Variants in SERINC2 observed in about 807,000 individuals in gnomAD.
SERINC2 encodes the protein tumor differentially expressed protein 2.
In SERINC2, 56 loss-of-function variants were observed where a neutral mutation model predicts 54.2. The observed-to-expected ratio is 1.03, with a 90% CI of 0.83 to 1.29. SERINC2 has a LOEUF of 1.29. Among genes scored for constraint, SERINC2 ranks in the 50% most tolerant of loss-of-function variants. The pLI is 0.00. For synonymous variants in SERINC2, 272 were observed against 253.1 expected (o/e 1.07, Z -0.71); for missense variants, 614 against 607.4 (o/e 1.01, Z -0.12).
rs1037144486 is a variant in SERINC2 at position 31,429,153 on chromosome 1, T to A, written c.871+85T>A. 4.6e-5 allele frequency: 57 copies of A among 1,249,052 alleles called. No individual in the cohort carries two copies. The African/African-American group carries it at 6.6e-4, about 15-fold the overall frequency. The allele number at this position is 1,249,052 out of a possible 1,614,324, so 77.4% of individuals were successfully genotyped here. ...CTGTGGGGCTGGGGACCCTCACAGG[T>A]GACAGGGACATCCCTGCTCCAGCCC... On this transcript the variant is annotated intron_variant, in intron 7 of 9. Transcript: ENST00000373709.
At chr1:31,420,322 T>G (rs1213102968) in intron 1 of SERINC2, among the ~76,000 whole-genome samples, 2 of 152,174 alleles carry the variant, frequency 1.3e-5, no homozygotes, top group African/African-American at 2.4e-5. Context: ...TTTCAGGCAT[T>G]AGGAACACCT....
intron 9 of SERINC2, 104 bp from the exon 10 acceptor site, chr1:31,433,960 G>T: frequency 8.4e-7 from 1 of 1,191,374 alleles, no homozygotes; most frequent in Middle Eastern, 2.0e-4. Context: ...CAGGGTAAGA[G>T]CCAGAGTTGA....
chr1:31,418,311 A>C (rs1640827678), intron 1 of SERINC2, among the ~76,000 whole-genome samples: 1 of 152,180 alleles, frequency 6.6e-6, no homozygotes, highest in Admixed American at 6.5e-5. Flanking sequence ...GGGTGTGTAA[A>C]TATGTGAGTC....
intron 8 of SERINC2, among the ~76,000 whole-genome samples, chr1:31,431,495 G>C (rs1641197967): frequency 6.6e-6 from 1 of 151,942 alleles, no homozygotes; most frequent in Non-Finnish European, 1.5e-5. Flanking sequence ...GTGGCCGGTG[G>C]CCAAGGAGCT....
Position 31,424,200 on chromosome 1 carries a change from C to T in SERINC2, c.201+346C>T, listed in dbSNP as rs146295508. On this transcript the variant is annotated intron_variant, in intron 2 of 9. Transcript: ENST00000373709. Reference sequence around the variant, plus strand: ...ACAGCCTAGCACAGACCCAGGGGGACGTGGGCATCACCGTAGGTGCCTTAT... The same window carrying T: ...ACAGCCTAGCACAGACCCAGGGGGATGTGGGCATCACCGTAGGTGCCTTAT... Among the ~76,000 whole-genome samples, 226 of 152,260 alleles carry T rather than the reference C, an allele frequency of 1.5e-3. 1 individual carries two copies. The highest frequency in any genetic ancestry group is 5.1e-3 in the African/African-American group (212 of 41,550).
At chr1:31,426,027 C>A (rs1553133576) in intron 5 of SERINC2, 114 bp downstream of exon 5, 2 of 1,124,646 alleles carry the variant, frequency 1.8e-6, no homozygotes, top group South Asian at 3.0e-5. Context: ...TCCCTAGCAG[C>A]CACTGCCTTA....
chr1:31,431,447 G>A (rs527628797), intron 8 of SERINC2, among the ~76,000 whole-genome samples: 1 of 152,068 alleles, frequency 6.6e-6, no homozygotes, highest in East Asian at 1.9e-4. Context: ...TTTACAGATA[G>A]GGAAACTGAC....
At chr1:31,414,302 C>A in intron 1 of SERINC2, 3 of 1,306,390 alleles carry the variant, frequency 2.3e-6, no homozygotes, top group Non-Finnish European at 2.9e-6. Context: ...CTCATTAAAT[C>A]TGAGGTTCAT....
chr1:31,410,302 A>G (rs1570014344), upstream of SERINC2: 1 of 1,528,010 alleles, frequency 6.5e-7, no homozygotes, highest in East Asian at 2.5e-5. Context: ...CAAGAAATGA[A>G]GCTCTTTATC....
chr1:31,410,533 T>G (rs1449779675), upstream of SERINC2: 1 of 1,505,954 alleles, frequency 6.6e-7, no homozygotes, highest in Non-Finnish European at 8.9e-7. Context: ...TACCTTGCTC[T>G]GGAAAATTTT....
rs782426195 is a variant in SERINC2, at chr1:31,429,533, C to T, written c.1008C>T (p.Phe336=). 22 of 1,608,848 alleles carry T rather than the reference C, an allele frequency of 1.4e-5. No homozygotes were observed. The highest frequency in any genetic ancestry group is 1.4e-5 in the Non-Finnish European group (16 of 1,177,030). The change falls in exon 8 of 10, where the codon TTC becomes TTT. Residue 336 remains phenylalanine, a synonymous_variant. Transcript: ENST00000373709. ...TCATCTTCCTCCTGTGCACCCTCTTCATCAGGTATGGCCAGGTCTGGATTC... is the reference window on the plus strand; with the variant it reads ...TCATCTTCCTCCTGTGCACCCTCTTTATCAGGTATGGCCAGGTCTGGATTC... ...GLIIFLLCTL[F]ISLRSSDHRQ...
In SERINC2 at chr1:31,415,975, G is replaced by A. The variant is rs113124864; in HGVS notation, c.39+2671G>A. On this transcript the variant is annotated intron_variant, in intron 1 of 9. Coordinates refer to ENST00000373709, the MANE Select transcript of SERINC2 (RefSeq NM_178865.5). ...GGATGGGGCCACCAGGCAAGCCGCCGGCACATGATGACTTGGCTGTCTGCA... is the reference window on the plus strand; with the variant it reads ...GGATGGGGCCACCAGGCAAGCCGCCAGCACATGATGACTTGGCTGTCTGCA... 735 of 916,886 alleles carry A rather than the reference G, an allele frequency of 8.0e-4. 7 individuals are homozygous for A. In the African/African-American group the frequency reaches 0.012, roughly 15 times the overall value. The allele number at this position is 916,886 out of a possible 1,614,324, so 56.8% of individuals were successfully genotyped here.
chr1:31,418,942 C>T (rs1289025175), intron 1 of SERINC2, among the ~76,000 whole-genome samples: 1 of 152,172 alleles, frequency 6.6e-6, no homozygotes, highest in African/African-American at 2.4e-5. Context: ...CTGGGTGGTT[C>T]TTCATTGGAA....
chr1:31,412,000 C>CAA (rs11368197), upstream of SERINC2, among the ~76,000 whole-genome samples: 14 of 44,514 alleles, frequency 3.1e-4, 1 homozygote, highest in East Asian at 7.0e-4. Flanking sequence ...GACCCTGTCT[C>CAA]AAAAAAAAAA....
chr1:31,415,138 A>G (rs1640751800), intron 1 of SERINC2, among the ~76,000 whole-genome samples: 1 of 152,230 alleles, frequency 6.6e-6, no homozygotes, highest in African/African-American at 2.4e-5. Flanking sequence ...CTAAGGTTGC[A>G]CAGGGAAAGG....
intron 4 of SERINC2, 131 bp downstream of exon 4, chr1:31,425,540 C>T (rs943459760): frequency 2.2e-6 from 2 of 891,630 alleles, no homozygotes; most frequent in Non-Finnish European, 1.8e-6. Context: ...CCTCGCTCCC[C>T]ACCCGTGAGA....
chr1:31,425,543 C>A, intron 4 of SERINC2, 134 bp downstream of exon 4: 1 of 886,600 alleles, frequency 1.1e-6, no homozygotes, highest in Non-Finnish European at 1.9e-6. Context: ...CGCTCCCCAC[C>A]CGTGAGACAG....
intron 8 of SERINC2, among the ~76,000 whole-genome samples, chr1:31,431,765 TGGAGAGGGTGAA>T (rs1641212107): frequency 6.6e-6 from 1 of 151,002 alleles, no homozygotes; most frequent in Non-Finnish European, 1.5e-5. Context: ...GTGGAGAGGG[TGGAGAGGGTGAA>T]TAGGGTGGAT....
chr1:31,426,902 G>A, intron 6 of SERINC2, 79 bp downstream of exon 6: 1 of 1,348,156 alleles, frequency 7.4e-7, no homozygotes, highest in Non-Finnish European at 1.0e-6. Flanking sequence ...TGGGTCCTGG[G>A]GCTAGGGCTG....
Sources: allele counts gnomAD v4.1 joint callset (sites outside exome capture counted in the v4.1 genomes callset), GRCh38; gene constraint gnomAD v4.1.1; transcripts MANE v1.5; gene names NCBI Gene and HGNC (gene_info 2026-07-23, HGNC 2026-07-21).